Variants in CLN3 observed in about 807,000 individuals in gnomAD.
The protein encoded by CLN3 is CLN3 lysosomal/endosomal transmembrane protein, battenin.
A neutral mutation model predicts 60.7 loss-of-function variants in CLN3; 49 were observed. The observed-to-expected ratio is 0.81, with a 90% CI of 0.64 to 1.02. The LOEUF is 1.02. CLN3 is among the 50% of genes least tolerant of loss of function. CLN3 has a pLI of 0.00. For missense variants in CLN3, 516 were observed against 557.4 expected (o/e 0.93, Z 0.75); for synonymous variants, 256 against 245.8 (o/e 1.04, Z -0.39).
In CLN3 at chr16:28,484,037, G is replaced by T. The variant is rs772274552; in HGVS notation, c.759C>A (p.Leu253=). The part of the protein sequence containing the change: ...EEAESAARQP[L]IRTEAPESKP... The stretch of plus-strand genomic sequence containing the variant: ...TCGACTCCGGGGCCTCGGTTCTTAT[G>T]AGGGGCTGCCGGGCTGCGCTCTCTG... Residue 253 remains leucine, a synonymous_variant, in exon 10 of 16, where the codon CTC becomes CTA. Coordinates refer to ENST00000636147, the MANE Select transcript of CLN3 (RefSeq NM_001042432.2). 19 of 1,611,834 alleles carry T rather than the reference G, an allele frequency of 1.2e-5. No homozygotes were observed. The African/African-American group carries it at 2.3e-4, about 19-fold the overall frequency.
rs780653906 is a variant in CLN3, at chr16:28,487,547, G to C, written c.375-6C>G. 13 of 1,613,032 alleles carry C rather than the reference G, an allele frequency of 8.1e-6. No individual in the cohort carries two copies. The highest frequency in any genetic ancestry group is 1.1e-5 in the Non-Finnish European group (13 of 1,179,286). ...CACTGACGAGAACCCGGGGGCTGAG[G>C]GGGTGAGAAGGGAAGGGAGGGGGAA... On this transcript the variant is annotated splice_region_variant and splice_polypyrimidine_tract_variant and intron_variant, in intron 6 of 15. Transcript: ENST00000636147.
chr16:28,481,527 C>T (rs1473350785), intron 14 of CLN3, among the ~76,000 whole-genome samples: 2 of 151,780 alleles, frequency 1.3e-5, no homozygotes, highest in African/African-American at 2.4e-5. Flanking sequence ...CTTACAACTA[C>T]CCTGAAAAAT....
At chr16:28,481,288 A>G (rs967001791) in intron 14 of CLN3, among the ~76,000 whole-genome samples, 4 of 151,722 alleles carry the variant, frequency 2.6e-5, no homozygotes, top group African/African-American at 9.7e-5. Flanking sequence ...TTTTGTAGAG[A>G]TGTGATTGTG....
downstream of CLN3, chr16:28,474,061 A>G (rs2045972488): frequency 6.6e-6 from 1 of 152,274 alleles, no homozygotes; most frequent in Non-Finnish European, 1.5e-5. Flanking sequence ...TGAGTTTAGA[A>G]GTTGGAGACC....
In CLN3 at chr16:28,481,456, A is replaced by ACACACACG. The variant is rs1555468016; in HGVS notation, c.1056+648_1056+649insCGTGTGTG. ...CACACACACACACACACACACACGC[A>ACACACACG]CACACACACACACACACACTACAAA... On this transcript the variant is annotated intron_variant, in intron 14 of 15. Coordinates refer to ENST00000636147, the MANE Select transcript of CLN3 (RefSeq NM_001042432.2). 3.6e-3 allele frequency among the ~76,000 whole-genome samples: 250 copies of ACACACACG among 70,170 alleles called. 1 individual carries two copies. The highest frequency in any genetic ancestry group is 4.4e-3 in the African/African-American group (126 of 28,646). The allele number at this position is 70,170 out of a possible 152,430, so 46.0% of individuals were successfully genotyped here. A position where few individuals can be genotyped will look rare whatever the true frequency, so the allele number is the denominator to read the frequency against.
In CLN3 at chr16:28,487,554, G is replaced by C; in HGVS notation, c.375-13C>G. 1 of 1,611,932 alleles carries C rather than the reference G, an allele frequency of 6.2e-7. No homozygotes were observed. Among genetic ancestry groups the C allele is most frequent in the Non-Finnish European group, 8.5e-7 (1 of 1,178,192 alleles). On this transcript the variant is annotated splice_polypyrimidine_tract_variant and intron_variant, in intron 6 of 15. Coordinates refer to ENST00000636147, the MANE Select transcript of CLN3 (RefSeq NM_001042432.2). ...GAGAACCCGGGGGCTGAGGGGGTGA[G>C]AAGGGAAGGGAGGGGGAAGGTCGGT... is the stretch of plus-strand genomic sequence containing the variant.
intron 14 of CLN3, among the ~76,000 whole-genome samples, chr16:28,481,494 G>C (rs917301706): frequency 6.8e-6 from 1 of 147,596 alleles, no homozygotes. Flanking sequence ...CTTGTTCTTC[G>C]ATTCTTTCTC....
intron 14 of CLN3, among the ~76,000 whole-genome samples, chr16:28,479,086 C>A (rs940866214): frequency 5.9e-5 from 9 of 152,118 alleles, no homozygotes; most frequent in African/African-American, 2.2e-4. Flanking sequence ...CCTCTGTGCC[C>A]CAGTCTCTCA....
At chr16:28,481,423 C>CATACACACAT (rs774617407) in intron 14 of CLN3, among the ~76,000 whole-genome samples, 1 of 127,204 alleles carries the variant, frequency 7.9e-6, no homozygotes, top group African/African-American at 2.9e-5. Context: ...TTAAAACACA[C>CATACACACAT]ACACACACAC....
At chr16:28,479,542 A>T (rs2046052276) in intron 14 of CLN3, 1 of 152,808 alleles carries the variant, frequency 6.5e-6, no homozygotes, top group Non-Finnish European at 1.5e-5. Context: ...AGCCAAGATC[A>T]CGCCATTGTA....
intron 7 of CLN3, chr16:28,486,883 G>C: frequency 1.7e-6 from 1 of 600,006 alleles, no homozygotes; most frequent in South Asian, 1.9e-5. Flanking sequence ...ATGCACCCTT[G>C]ATGTCTCTGC....
chr16:28,479,248 T>TAA (rs1463114268), intron 14 of CLN3, among the ~76,000 whole-genome samples: 1 of 152,216 alleles, frequency 6.6e-6, no homozygotes, highest in African/African-American at 2.4e-5. Flanking sequence ...CTAGAGGTCC[T>TAA]AATTCATTAA....
downstream of CLN3, among the ~76,000 whole-genome samples, chr16:28,472,617 G>C (rs1286295094): frequency 6.6e-6 from 1 of 150,930 alleles, no homozygotes; most frequent in African/African-American, 2.4e-5. Context: ...GAGGTGGGCG[G>C]ATCACTTGAG....
chr16:28,484,870 GACTC>G (rs2046176975), intron 9 of CLN3: 2 of 151,514 alleles, frequency 1.3e-5, no homozygotes, highest in African/African-American at 4.8e-5. Context: ...TCTTTAAATG[GACTC>G]ACTTTTTCTA....
downstream of CLN3, chr16:28,477,134 AAAAC>A (rs533413452): frequency 2.9e-3 from 928 of 321,940 alleles, 8 homozygotes; most frequent in South Asian, 3.6e-3. Flanking sequence ...AGACTCTGTC[AAAAC>A]AAACAAACAA....
intron 3 of CLN3, chr16:28,490,967 G>A (rs2046304784): frequency 6.5e-6 from 1 of 154,226 alleles, no homozygotes; most frequent in African/African-American, 2.4e-5. Flanking sequence ...CCTACTTGGA[G>A]GCTGAGGTGG....
rs1281377520 is a variant in CLN3 at position 28,488,438 on chromosome 16, G to A, written c.294+153C>T. ...GATCCTCCCACCTTGGTCTCCCAAA[G>A]TGCTGGGATTACAAGTGTGAGCCAG... is the stretch of plus-strand genomic sequence containing the variant. On this transcript the variant is annotated intron_variant, in intron 5 of 15. Transcript: ENST00000636147. The A allele has an allele frequency of 1.1e-5, 7 of 650,654 alleles. No homozygotes were observed. The African/African-American group carries it at 1.3e-4, about 12-fold the overall frequency. The allele number at this position is 650,654 out of a possible 1,614,324, so 40.3% of individuals were successfully genotyped here.
In CLN3 at chr16:28,486,499, G is replaced by A; in HGVS notation, c.534-9C>T. ...ACCAGGAGATCACGGCCCTGGGAAG[G>A]AGAACACAGGAACATTCAGGAGGAC... On this transcript the variant is annotated splice_polypyrimidine_tract_variant and intron_variant, in intron 8 of 15. Transcript: ENST00000636147. 1.2e-6 allele frequency: 2 copies of A among 1,611,494 alleles called. No homozygotes were observed. Among genetic ancestry groups the A allele is most frequent in the East Asian group, 2.2e-5 (1 of 44,798 alleles).
At position 28,489,439 on chromosome 16, in the gene CLN3, A is replaced by G; in HGVS notation, c.126-53T>C. On this transcript the variant is annotated intron_variant, in intron 3 of 15. Coordinates refer to ENST00000636147, the MANE Select transcript of CLN3 (RefSeq NM_001042432.2). ...CCCTCCTCATCCTGCAGCCATCTGT[A>G]GCCTTTGTGCCAAACCTTCCCTTAC... 3.0e-6 allele frequency: 4 copies of G among 1,342,954 alleles called. No homozygotes were observed. In the South Asian group the frequency reaches 4.9e-5, roughly 17 times the overall value. 83.2% of individuals were successfully genotyped at this position (1,342,954 alleles called of 1,614,324 possible).
Sources: allele counts gnomAD v4.1 joint callset (sites outside exome capture counted in the v4.1 genomes callset), GRCh38; gene constraint gnomAD v4.1.1; transcripts MANE v1.5; gene names NCBI Gene and HGNC (gene_info 2026-07-23, HGNC 2026-07-21).